Variants in ST6GALNAC3 observed in about 807,000 individuals in gnomAD.
ST6GALNAC3 encodes the protein alpha-N-acetylgalactosaminide alpha-2,6-sialyltransferase 3.
ST6GALNAC3 carries 25 observed loss-of-function variants against 32.7 expected under a neutral mutation model. That is an observed-to-expected ratio of 0.76 (90% CI 0.56 to 1.07). The LOEUF (loss-of-function observed/expected upper bound fraction) is 1.07, where lower values mean the gene tolerates loss of function less well. ST6GALNAC3 is among the 50% of genes least tolerant of loss of function. The pLI is 0.00. For missense variants in ST6GALNAC3, 355 were observed against 382.4 expected, an observed-to-expected ratio of 0.93 and a Z score of 0.60; for synonymous variants, 129 against 133.1, an observed-to-expected ratio of 0.97 and a Z score of 0.21.
At chr1:76,095,830 A>G (rs978783234) in intron 1 of ST6GALNAC3, among the ~76,000 whole-genome samples, 1 of 152,102 alleles carries the variant, frequency 6.6e-6, no homozygotes, top group African/African-American at 2.4e-5. Flanking sequence ...CTCCATCTCC[A>G]ATCTTTTCTC....
intron 2 of ST6GALNAC3, among the ~76,000 whole-genome samples, chr1:76,385,226 A>C (rs1017620101): frequency 6.6e-6 from 1 of 152,160 alleles, no homozygotes; most frequent in Non-Finnish European, 1.5e-5. Flanking sequence ...TGGGGGGTTC[A>C]AATTCTGTAT....
rs188274285 is a variant in ST6GALNAC3, at chr1:76,489,607, G to T, written c.623+77190G>T. On this transcript the variant is annotated intron_variant, in intron 3 of 4. Transcript: ENST00000328299. ...CTCAATTCAGGAAATATGATTTGCA[G>T]TTCCATGGAATAATCAAAACTCTGA... Among the ~76,000 whole-genome samples, 363 of 152,226 alleles carry T rather than the reference G, an allele frequency of 2.4e-3. 2 individuals carry two copies. The Middle Eastern group carries it at 0.044, about 19-fold the overall frequency.
chr1:76,081,021 T>C (rs1571100868), intron 1 of ST6GALNAC3, among the ~76,000 whole-genome samples: 1 of 152,120 alleles, frequency 6.6e-6, no homozygotes, highest in Non-Finnish European at 1.5e-5. Context: ...CAACAATAGG[T>C]GCCATTTATT....
chr1:76,628,512 T>C (rs1649117614), intron 4 of ST6GALNAC3, 108 bp from the exon 5 acceptor site: 4 of 1,020,352 alleles, frequency 3.9e-6, no homozygotes, highest in African/African-American at 3.3e-5. Flanking sequence ...GAATCATGTA[T>C]GGGTTTGTGA....
At chr1:76,211,586 C>A (rs1235106934) in intron 1 of ST6GALNAC3, among the ~76,000 whole-genome samples, 2 of 138,028 alleles carry the variant, frequency 1.4e-5, no homozygotes. Context: ...CACATATACA[C>A]CATGGAATAC....
At chr1:76,503,207 C>A (rs573279579) in intron 3 of ST6GALNAC3, among the ~76,000 whole-genome samples, 3 of 152,312 alleles carry the variant, frequency 2.0e-5, no homozygotes, top group South Asian at 4.1e-4. Flanking sequence ...CATCCAATGG[C>A]AACACCTCTC....
At chr1:76,585,082 T>G (rs541882160) in intron 3 of ST6GALNAC3, among the ~76,000 whole-genome samples, 1 of 152,270 alleles carries the variant, frequency 6.6e-6, no homozygotes, top group African/African-American at 2.4e-5. Flanking sequence ...CTAAGCTGAC[T>G]AAAAAATTAT....
chr1:76,137,989 T>C (rs1267053249), intron 1 of ST6GALNAC3, among the ~76,000 whole-genome samples: 1 of 152,244 alleles, frequency 6.6e-6, no homozygotes, highest in East Asian at 1.9e-4. Flanking sequence ...ACCTTCATTC[T>C]GTTGTGGTAA....
At chr1:76,529,871 T>C (rs183720257) in intron 3 of ST6GALNAC3, among the ~76,000 whole-genome samples, 1 of 152,322 alleles carries the variant, frequency 6.6e-6, no homozygotes, top group Admixed American at 6.5e-5. Flanking sequence ...GGGTGGATGA[T>C]AGTACCTACT....
At chr1:76,164,054 A>C (rs987694131) in intron 1 of ST6GALNAC3, among the ~76,000 whole-genome samples, 2 of 152,186 alleles carry the variant, frequency 1.3e-5, no homozygotes, top group African/African-American at 4.8e-5. Context: ...GTTCTAAGCC[A>C]ATTGAGAAAT....
intron 1 of ST6GALNAC3, among the ~76,000 whole-genome samples, chr1:76,202,205 A>C (rs1183277339): frequency 6.6e-6 from 1 of 151,840 alleles, no homozygotes; most frequent in African/African-American, 2.4e-5. Flanking sequence ...AGAGCAGAGG[A>C]AAGCATTGAT....
At chr1:76,476,769 C>T (rs1659382850) in intron 3 of ST6GALNAC3, among the ~76,000 whole-genome samples, 1 of 152,148 alleles carries the variant, frequency 6.6e-6, no homozygotes, top group Non-Finnish European at 1.5e-5. Flanking sequence ...AATTGTGCTG[C>T]CCTTTATGAA....
intron 3 of ST6GALNAC3, among the ~76,000 whole-genome samples, chr1:76,482,735 T>C (rs1015788931): frequency 1.6e-4 from 24 of 152,152 alleles, no homozygotes; most frequent in African/African-American, 5.8e-4. Flanking sequence ...TTTTTATTAT[T>C]ATTATTATAC....
At chr1:76,405,710 G>A (rs1260326809) in intron 2 of ST6GALNAC3, among the ~76,000 whole-genome samples, 3 of 151,896 alleles carry the variant, frequency 2.0e-5, no homozygotes, top group Non-Finnish European at 2.9e-5. Context: ...CTGAGTCAAC[G>A]AGAGGTGAAA....
intron 3 of ST6GALNAC3, among the ~76,000 whole-genome samples, chr1:76,595,295 T>C (rs2100602365): frequency 6.6e-6 from 1 of 152,216 alleles, no homozygotes; most frequent in East Asian, 1.9e-4. Flanking sequence ...CAGTTCCTGG[T>C]TAACATAAGT....
chr1:76,422,529 T>C (rs1055827929), intron 3 of ST6GALNAC3, among the ~76,000 whole-genome samples: 7 of 152,002 alleles, frequency 4.6e-5, no homozygotes, highest in African/African-American at 1.7e-4. Context: ...CTCATTCTTA[T>C]TTGGATTAGT....
At chr1:76,610,549 T>C (rs1647857111) in intron 3 of ST6GALNAC3, among the ~76,000 whole-genome samples, 1 of 152,138 alleles carries the variant, frequency 6.6e-6, no homozygotes, top group Non-Finnish European at 1.5e-5. Context: ...TATGAAGGCC[T>C]GGAGGGAGGG....
intron 2 of ST6GALNAC3, among the ~76,000 whole-genome samples, chr1:76,408,676 C>T (rs1019639356): frequency 1.3e-5 from 2 of 152,050 alleles, no homozygotes; most frequent in Non-Finnish European, 2.9e-5. Context: ...CTTGTTACAG[C>T]AAAACTGGCT....
At chr1:76,311,970 A>G (rs909531035) in intron 1 of ST6GALNAC3, among the ~76,000 whole-genome samples, 1 of 152,080 alleles carries the variant, frequency 6.6e-6, no homozygotes, top group African/African-American at 2.4e-5. Flanking sequence ...AATGATTACC[A>G]TTCTAACTGG....
Sources: gnomAD v4.1 joint callset for allele counts (sites outside exome capture counted in the v4.1 genomes callset) on GRCh38, gnomAD v4.1.1 for gene constraint, MANE v1.5 for transcripts, NCBI Gene and HGNC (gene_info 2026-07-23, HGNC 2026-07-21) for gene names.